ADGRG1: variants seen among roughly 807,000 people sequenced by gnomAD.
ADGRG1 encodes the protein 7-transmembrane protein with no EGF-like N-terminal domains-1.
Under a neutral mutation model 73.5 loss-of-function variants are expected in ADGRG1, and 53 were observed. That is an observed-to-expected ratio of 0.72 (90% confidence interval 0.58 to 0.91). The LOEUF is 0.91. Ranked by LOEUF, ADGRG1 falls within the 40% of genes least tolerant of loss-of-function variation. ADGRG1 has a pLI of 0.00. For synonymous variants in ADGRG1, 394 were observed against 374.4 expected (o/e 1.05, Z -0.60); for missense variants, 795 against 871.8 (o/e 0.91, Z 1.11).
At chr16:57,632,775 C>G (rs1282799142) in intron 1 of ADGRG1, 2 of 984,874 alleles carry the variant, frequency 2.0e-6, no homozygotes, top group South Asian at 4.7e-5. Flanking sequence ...CCCGGAGGAG[C>G]TGGCATGCTT....
At chr16:57,662,399 C>T (rs573769496) in intron 13 of ADGRG1, among the ~76,000 whole-genome samples, 102 of 139,648 alleles carry the variant, frequency 7.3e-4, no homozygotes, top group Middle Eastern at 3.7e-3. Context: ...AGAAGGATCC[C>T]CCCATGGAGA....
At chr16:57,644,814 TCACACACATG>T (rs1387336422) in intron 1 of ADGRG1, among the ~76,000 whole-genome samples, 1 of 122,360 alleles carries the variant, frequency 8.2e-6, no homozygotes, top group Non-Finnish European at 1.7e-5. Context: ...TCATCACTCC[TCACACACATG>T]CACACACTGA....
chr16:57,628,198 G>C (rs2036271011), upstream of ADGRG1: 8 of 984,844 alleles, frequency 8.1e-6, no homozygotes, highest in Non-Finnish European at 9.6e-6. Context: ...GGCTGCCAAG[G>C]AGGCTGGACT....
At chr16:57,626,966 C>T (rs187908447), upstream of ADGRG1, 297 of 985,568 alleles carry the variant, frequency 3.0e-4, 2 homozygotes, top group East Asian at 0.018. Flanking sequence ...ACTGCAGCCC[C>T]GGGAGAGAGC....
chr16:57,662,083 TCA>T, intron 13 of ADGRG1, 118 bp downstream of exon 13: 1 of 848,332 alleles, frequency 1.2e-6, no homozygotes, highest in Non-Finnish European at 2.0e-6. Context: ...GTCATCCCAT[TCA>T]TAAAATGGGG....
intron 1 of ADGRG1, chr16:57,634,332 G>T: frequency 5.1e-6 from 5 of 985,398 alleles, no homozygotes; most frequent in Non-Finnish European, 6.0e-6. Flanking sequence ...AGCCCAAGGG[G>T]CTGGCAGGGG....
chr16:57,651,662 G>A, intron 3 of ADGRG1, 40 bp downstream of exon 3: 1 of 1,593,272 alleles, frequency 6.3e-7, no homozygotes, highest in South Asian at 1.1e-5. Context: ...CTGGGCAGTG[G>A]TCTAGAGGCA....
rs145001300 is a variant in ADGRG1, at chr16:57,654,126, G to A, written c.761G>A (p.Arg254Gln). ...AGLQDLHIHS[R>Q]QEEEQSEIME... Reference sequence around the variant, plus strand: ...CTCCAGGACCTGCACATCCACTCCCGGCAGGAGGTCAGGGGCAGGCCTGGG... The same window carrying A: ...CTCCAGGACCTGCACATCCACTCCCAGCAGGAGGTCAGGGGCAGGCCTGGG... Residue 254 changes from arginine to glutamine, a missense_variant, in exon 5 of 14, where the codon CGG (arginine) becomes CAG (glutamine). Arg to Gln is a conservative substitution (Grantham distance 43). Coordinates refer to ENST00000562631, the MANE Select transcript of ADGRG1 (RefSeq NM_201525.4). 2.0e-5 allele frequency: 33 copies of A among 1,612,468 alleles called. No individual in the cohort carries two copies. In the East Asian group the frequency reaches 4.5e-4, roughly 22 times the overall value.
intron 1 of ADGRG1, chr16:57,639,198 G>A: frequency 1.1e-6 from 1 of 907,816 alleles, no homozygotes; most frequent in Non-Finnish European, 1.3e-6. Flanking sequence ...CTTCAAGACA[G>A]GCAGGTGTCC....
chr16:57,658,962 G>T (rs2046394251), intron 10 of ADGRG1: 5 of 985,212 alleles, frequency 5.1e-6, no homozygotes, highest in Non-Finnish European at 6.0e-6. Context: ...GTGGGGTGGG[G>T]TGTGCACACA....
chr16:57,628,444 A>T, upstream of ADGRG1: 1 of 894,176 alleles, frequency 1.1e-6, no homozygotes, highest in African/African-American at 1.8e-5. Context: ...GCGCTGAGTC[A>T]TGGGCATCCC....
chr16:57,628,935 TGTGAGC>T lies in ADGRG1; in HGVS notation c.-36+139_-36+144del, dbSNP rs772022658. 1,737 of 765,700 alleles carry T rather than the reference TGTGAGC, an allele frequency of 2.3e-3. 51 individuals are homozygous for T. Among genetic ancestry groups the T allele is most frequent in the Middle Eastern group, 0.012 (18 of 1,476 alleles). 47.4% of individuals were successfully genotyped at this position (765,700 alleles called of 1,614,324 possible). On this transcript the variant is annotated intron_variant, in intron 1 of 13. Coordinates refer to ENST00000562631, the MANE Select transcript of ADGRG1 (RefSeq NM_201525.4). ...GTGTGAGAGTGAGTGTGAGTGTGAGTGTGAGCGTGAGAGTGTGAGAGTGTGTGAGTG... is the reference window on the plus strand; with the variant it reads ...GTGTGAGAGTGAGTGTGAGTGTGAGTGTGAGAGTGTGAGAGTGTGTGAGTG...
chr16:57,635,820 C>T (rs1229998057), intron 1 of ADGRG1: 6 of 985,274 alleles, frequency 6.1e-6, no homozygotes, highest in African/African-American at 1.7e-5. Flanking sequence ...TTTACGAGCT[C>T]TGTGTCCCTG....
chr16:57,657,834 C>T (rs756065708), intron 10 of ADGRG1, among the ~76,000 whole-genome samples: 14 of 152,152 alleles, frequency 9.2e-5, no homozygotes, highest in East Asian at 1.9e-4. Flanking sequence ...CTCTGCCTCC[C>T]GGGTTCAAGT....
At chr16:57,655,653 A>G (rs912780018) in intron 6 of ADGRG1, 123 bp downstream of exon 6, 138 of 1,585,874 alleles carry the variant, frequency 8.7e-5, no homozygotes, top group Non-Finnish European at 1.1e-4. Context: ...TAAAGTTACA[A>G]ATTGCACTGC....
At chr16:57,653,905 A>G in intron 4 of ADGRG1, 81 bp from the exon 5 acceptor site, 3 of 1,605,208 alleles carry the variant, frequency 1.9e-6, no homozygotes, top group Non-Finnish European at 2.5e-6. Flanking sequence ...TCTCTGTCTG[A>G]GTCTCTCGTC....
At position 57,665,513 on chromosome 16, in the gene ADGRG1, T is replaced by C. The variant is rs2048031288; in HGVS notation, c.*1931T>C. On this transcript the variant is annotated 3_prime_UTR_variant, in exon 14 of 14. Transcript: ENST00000562631. ...CCTGGGATTTATGCAACCAGTTTACTGATCACTCTGCAGCAGGTGGGCTGC... is the reference window on the plus strand; with the variant it reads ...CCTGGGATTTATGCAACCAGTTTACCGATCACTCTGCAGCAGGTGGGCTGC... The C allele has an allele frequency of 6.6e-6, 1 of 152,264 alleles. No individual in the cohort carries two copies. Among genetic ancestry groups the C allele is most frequent in the Admixed American group, 6.5e-5 (1 of 15,290 alleles). The allele number at this position is 152,264 out of a possible 1,614,324, so 9.4% of individuals were successfully genotyped here.
intron 3 of ADGRG1, among the ~76,000 whole-genome samples, chr16:57,652,391 T>C (rs2004823): frequency 0.42 from 64,451 of 151,836 alleles, 14,361 homozygotes; most frequent in African/African-American, 0.48. Context: ...AGCACTTTGA[T>C]TGTGTCAGTG....
chr16:57,648,211 C>T (rs916698866), intron 1 of ADGRG1, among the ~76,000 whole-genome samples: 1 of 152,108 alleles, frequency 6.6e-6, no homozygotes, highest in African/African-American at 2.4e-5. Flanking sequence ...GGGACAGCAA[C>T]AGAGACTGAC....
Sources: gnomAD v4.1 joint callset for allele counts (sites outside exome capture counted in the v4.1 genomes callset) on GRCh38, gnomAD v4.1.1 for gene constraint, MANE v1.5 for transcripts, NCBI Gene and HGNC (gene_info 2026-07-23, HGNC 2026-07-21) for gene names.